ERC1: variants seen among roughly 807,000 people sequenced by gnomAD.
ERC1 encodes ELKS/RAB6-interacting/CAST family member 1.
ERC1 carries 56 observed loss-of-function variants against 132.0 expected under a neutral mutation model. The ratio of observed to expected loss-of-function variants is 0.42; its 90% CI spans 0.34 to 0.53. The LOEUF is 0.53. ERC1 is among the 20% of genes least tolerant of loss of function. The pLI is 0.03. For missense variants in ERC1, 1,202 were observed against 1,349.9 expected (o/e 0.89, Z 1.72); for synonymous variants, 478 against 476.1 (o/e 1.00, Z -0.05).
intron 8 of ERC1, among the ~76,000 whole-genome samples, chr12:1,165,516 CA>C (rs1350443613): frequency 6.6e-6 from 1 of 152,042 alleles, no homozygotes; most frequent in Non-Finnish European, 1.5e-5. Flanking sequence ...CCGTGTTAGC[CA>C]AGATGGTCTT....
chr12:1,295,434 C>G (rs947124433), intron 15 of ERC1, among the ~76,000 whole-genome samples: 1 of 152,018 alleles, frequency 6.6e-6, no homozygotes, highest in Admixed American at 6.6e-5. Flanking sequence ...GACTAGGCTA[C>G]GTGTTCACTG....
intron 18 of ERC1, among the ~76,000 whole-genome samples, chr12:1,455,057 A>C (rs781146290): frequency 2.6e-5 from 4 of 152,224 alleles, no homozygotes; most frequent in Non-Finnish European, 5.9e-5. Context: ...TTGACCCAGC[A>C]CTAAGAAAAA....
chr12:1,159,879 G>A (rs950512756), intron 8 of ERC1, among the ~76,000 whole-genome samples: 1 of 152,126 alleles, frequency 6.6e-6, no homozygotes, highest in Non-Finnish European at 1.5e-5. Flanking sequence ...CTGTAGAGTG[G>A]ATATAATAGC....
At chr12:1,091,936 C>A (rs1248460685) in intron 3 of ERC1, among the ~76,000 whole-genome samples, 1 of 151,640 alleles carries the variant, frequency 6.6e-6, no homozygotes, top group Non-Finnish European at 1.5e-5. Flanking sequence ...GCTAGGGTAT[C>A]CAGAAATTTC....
intron 13 of ERC1, among the ~76,000 whole-genome samples, chr12:1,241,847 C>CTTTTTTTTTTTTTTTT (rs57016547): frequency 2.7e-4 from 22 of 80,510 alleles, no homozygotes; most frequent in Middle Eastern, 8.6e-3. Context: ...TCTTCTTCTT[C>CTTTTTTTTTTTTTTTT]TTTTTTTTTT....
At chr12:1,473,069 A>G (rs1249197653) in intron 18 of ERC1, among the ~76,000 whole-genome samples, 1 of 152,180 alleles carries the variant, frequency 6.6e-6, no homozygotes, top group Non-Finnish European at 1.5e-5. Context: ...TCTGTTGCCC[A>G]GGCTGGAGTG....
intron 15 of ERC1, among the ~76,000 whole-genome samples, chr12:1,322,398 C>T (rs972463944): frequency 6.6e-6 from 1 of 152,070 alleles, no homozygotes; most frequent in Non-Finnish European, 1.5e-5. Context: ...AGACTGGATC[C>T]ATCACTTTGA....
At chr12:1,371,016 A>G (rs1485508601) in intron 15 of ERC1, among the ~76,000 whole-genome samples, 2 of 152,192 alleles carry the variant, frequency 1.3e-5, no homozygotes, top group African/African-American at 4.8e-5. Flanking sequence ...CCTGGCCTGA[A>G]TATTTTTTAA....
At chr12:1,118,017 T>C (rs1946639091) in intron 7 of ERC1, among the ~76,000 whole-genome samples, 1 of 152,204 alleles carries the variant, frequency 6.6e-6, no homozygotes, top group Non-Finnish European at 1.5e-5. Flanking sequence ...AAATAAATTA[T>C]GGAGAATGGC....
intron 18 of ERC1, among the ~76,000 whole-genome samples, chr12:1,448,858 C>G (rs78952740): frequency 0.025 from 3,830 of 152,280 alleles, 73 homozygotes; most frequent in Non-Finnish European, 0.038. Context: ...GTAGATCCAC[C>G]GCTGGTTTGC....
intron 12 of ERC1, chr12:1,204,353 T>G: frequency 2.0e-6 from 1 of 497,700 alleles, no homozygotes; most frequent in South Asian, 5.0e-5. Context: ...TAATTCTTTT[T>G]TAGTGACTGT....
chr12:1,376,459 G>A (rs965967600), intron 16 of ERC1, among the ~76,000 whole-genome samples: 51 of 152,178 alleles, frequency 3.4e-4, no homozygotes, highest in African/African-American at 1.2e-3. Context: ...TCAGAATTCT[G>A]TGAAAATAGA....
chr12:1,034,954 C>T lies in ERC1; in HGVS notation c.669+6382C>T, dbSNP rs137875063. On this transcript the variant is annotated intron_variant, in intron 2 of 18. Coordinates refer to ENST00000360905, the MANE Select transcript of ERC1 (RefSeq NM_178040.4). ...GAACACCGCCTTATCTAGATTCCAC[C>T]CCTTGCCCTAATTAAACACCAGTGC... Among the ~76,000 whole-genome samples the T allele has an allele frequency of 2.7e-3, 418 of 152,246 alleles. 1 individual carries two copies. Among genetic ancestry groups the T allele is most frequent in the African/African-American group, 9.6e-3 (398 of 41,542 alleles).
chr12:1,282,683 T>C (rs2078761729), intron 14 of ERC1, among the ~76,000 whole-genome samples: 1 of 152,246 alleles, frequency 6.6e-6, no homozygotes, highest in Non-Finnish European at 1.5e-5. Context: ...TATGTAGGTA[T>C]ATGTGTATAT....
At chr12:1,387,437 C>T (rs767810216) in intron 16 of ERC1, among the ~76,000 whole-genome samples, 4 of 152,116 alleles carry the variant, frequency 2.6e-5, no homozygotes, top group East Asian at 1.9e-4. Context: ...ATTATGTCCA[C>T]GTCCAGTTTC....
chr12:1,400,254 C>T (rs2154386827), intron 16 of ERC1, among the ~76,000 whole-genome samples: 1 of 152,184 alleles, frequency 6.6e-6, no homozygotes, highest in African/African-American at 2.4e-5. Context: ...GATTCAAATC[C>T]CTTGCTCATT....
intron 12 of ERC1, among the ~76,000 whole-genome samples, chr12:1,199,721 T>C (rs555161000): frequency 2.3e-4 from 35 of 151,614 alleles, no homozygotes; most frequent in Non-Finnish European, 4.4e-4. Flanking sequence ...GAGGTTGCAG[T>C]GAGCTGATAC....
At chr12:1,357,076 C>T (rs1394467478) in intron 15 of ERC1, among the ~76,000 whole-genome samples, 1 of 152,192 alleles carries the variant, frequency 6.6e-6, no homozygotes, top group Non-Finnish European at 1.5e-5. Flanking sequence ...CTTTCATAAG[C>T]TTCCTATACA....
intron 15 of ERC1, among the ~76,000 whole-genome samples, chr12:1,302,818 C>G (rs1424094342): frequency 6.6e-6 from 1 of 151,904 alleles, no homozygotes; most frequent in Middle Eastern, 3.2e-3. Context: ...AAATAAATAG[C>G]GGGGCATGGT....
Sources: gnomAD v4.1 joint callset for allele counts (sites outside exome capture counted in the v4.1 genomes callset) on GRCh38, gnomAD v4.1.1 for gene constraint, MANE v1.5 for transcripts, NCBI Gene and HGNC (gene_info 2026-07-23, HGNC 2026-07-21) for gene names.